The following CASD1 variants were observed in gnomAD, a reference collection of about 807,000 sequenced individuals.
The protein encoded by CASD1 is N-acetylneuraminate (7)9-O-acetyltransferase.
In CASD1, 41 loss-of-function variants were observed where a neutral mutation model predicts 100.0. That is an observed-to-expected ratio of 0.41 (90% CI 0.32 to 0.53). CASD1 has a LOEUF of 0.53. CASD1 is among the 20% of genes least tolerant of loss of function. The pLI is 0.25. For synonymous variants in CASD1, 321 were observed against 315.6 expected, an observed-to-expected ratio of 1.02 and a Z score of -0.18; for missense variants, 774 against 948.7, an observed-to-expected ratio of 0.82 and a Z score of 2.42.
the CASD1 span, chr7:94,623,560 T>C: frequency 1.7e-6 from 1 of 604,462 alleles, no homozygotes. Context: ...TCAGAGCTTT[T>C]AGCAATATTA....
At chr7:94,514,847 A>T (rs1793893747) in intron 1 of CASD1, among the ~76,000 whole-genome samples, 1 of 152,140 alleles carries the variant, frequency 6.6e-6, no homozygotes, top group African/African-American at 2.4e-5. Context: ...AGTTGTGTTA[A>T]AATAGCTATC....
the CASD1 span, chr7:94,627,096 C>A: frequency 6.6e-6 from 1 of 152,004 alleles, no homozygotes; most frequent in South Asian, 2.1e-4. Context: ...CTTATAGTTA[C>A]ACTGCCTTAA....
At chr7:94,512,084 CAAACTGAG>C (rs1339326338) in intron 1 of CASD1, among the ~76,000 whole-genome samples, 1 of 152,186 alleles carries the variant, frequency 6.6e-6, no homozygotes, top group African/African-American at 2.4e-5. Flanking sequence ...TTGGCAGTAT[CAAACTGAG>C]TCAGGTGCAA....
the CASD1 span, chr7:94,625,289 C>T: frequency 6.6e-6 from 1 of 151,866 alleles, no homozygotes; most frequent in Non-Finnish European, 1.5e-5. Context: ...ATACCTGTTA[C>T]TATAAATGAA....
intron 1 of CASD1, among the ~76,000 whole-genome samples, chr7:94,515,109 A>T (rs1308654398): frequency 6.6e-6 from 1 of 152,066 alleles, no homozygotes; most frequent in Admixed American, 6.6e-5. Context: ...CATACAAAAA[A>T]GTCATTCTCT....
chr7:94,541,045 C>A (rs1437951717), intron 10 of CASD1, among the ~76,000 whole-genome samples: 5 of 151,966 alleles, frequency 3.3e-5, no homozygotes, highest in Non-Finnish European at 7.4e-5. Flanking sequence ...CTAATATATT[C>A]TAATTTACAA....
the CASD1 span, among the ~76,000 whole-genome samples, chr7:94,580,162 C>G: frequency 1.3e-5 from 2 of 152,148 alleles, no homozygotes; most frequent in Non-Finnish European, 1.5e-5. Context: ...TGTATCTGCT[C>G]TCTATATTAT....
At chr7:94,578,951 T>C in the CASD1 span, among the ~76,000 whole-genome samples, 1 of 152,170 alleles carries the variant, frequency 6.6e-6, no homozygotes, top group Non-Finnish European at 1.5e-5. Flanking sequence ...TCCAGGTAGC[T>C]TCCTTTCCTC....
At chr7:94,590,627 T>C in the CASD1 span, 5 of 152,170 alleles carry the variant, frequency 3.3e-5, no homozygotes, top group African/African-American at 7.2e-5. Context: ...ATTTTCAGTT[T>C]TTTGTTTTCT....
rs1794973318 is a variant in CASD1, at chr7:94,533,781, G to C, written c.607G>C (p.Asp203His). 1 of 1,592,884 alleles carries C rather than the reference G, an allele frequency of 6.3e-7. No homozygotes were observed. The highest frequency in any genetic ancestry group is 8.5e-7 in the Non-Finnish European group (1 of 1,169,924). Residue 203 changes from aspartate to histidine, a missense_variant, in exon 7 of 18, where the codon GAT (aspartate) becomes CAT (histidine). Physicochemically the swap from Asp to His is moderately conservative, Grantham distance 81 (BLOSUM62 -1). Around this residue, in one of 5 missense-constraint regions of CASD1, gnomAD observed 453 missense variants for 532.6 expected, o/e 0.85. Coordinates refer to ENST00000297273, the MANE Select transcript of CASD1 (RefSeq NM_022900.5). ...PLLEKLAKTS[D>H]VYWVLQDPVY... ...TTTAGAAAAATTGGCAAAGACTAGT[G>C]ATGTTTATTGGGTCTTACAAGGTAA...
intron 13 of CASD1, 133 bp from the exon 14 acceptor site, chr7:94,549,400 A>G (rs1795835564): frequency 6.5e-6 from 3 of 458,098 alleles, no homozygotes; most frequent in Non-Finnish European, 1.1e-5. Flanking sequence ...TTCAAATGAA[A>G]TAAAACAGAA....
At chr7:94,574,863 G>C in the CASD1 span, among the ~76,000 whole-genome samples, 2 of 152,030 alleles carry the variant, frequency 1.3e-5, no homozygotes, top group African/African-American at 4.8e-5. Flanking sequence ...CCAGCTACTT[G>C]GGAGGCTGAG....
the CASD1 span, among the ~76,000 whole-genome samples, chr7:94,604,664 G>T: frequency 6.6e-6 from 1 of 151,124 alleles, no homozygotes; most frequent in African/African-American, 2.4e-5. Flanking sequence ...TAATGGTGCT[G>T]GAAAAACTGG....
the CASD1 span, among the ~76,000 whole-genome samples, chr7:94,602,320 A>C: frequency 2.6e-5 from 4 of 152,154 alleles, no homozygotes; most frequent in Admixed American, 6.6e-5. Flanking sequence ...AAAGGCCATG[A>C]GACAAGAGGC....
chr7:94,625,736 TC>T, the CASD1 span: 2 of 152,220 alleles, frequency 1.3e-5, no homozygotes. Flanking sequence ...TCACTATTGC[TC>T]TGAACATTCA....
the CASD1 span, chr7:94,585,547 G>GT: frequency 6.7e-7 from 1 of 1,484,976 alleles, no homozygotes; most frequent in East Asian, 2.3e-5. Flanking sequence ...ATGGGCAGGA[G>GT]TTAGTCAGGG....
At chr7:94,569,609 A>G in the CASD1 span, among the ~76,000 whole-genome samples, 4 of 150,646 alleles carry the variant, frequency 2.7e-5, no homozygotes, top group African/African-American at 9.8e-5. Flanking sequence ...TGCTTGGCCA[A>G]TTTTTAAATT....
At chr7:94,571,959 G>A in the CASD1 span, among the ~76,000 whole-genome samples, 1 of 151,992 alleles carries the variant, frequency 6.6e-6, no homozygotes, top group East Asian at 1.9e-4. Context: ...TCCCAAACTA[G>A]GGGGCTTCTA....
the CASD1 span, chr7:94,627,940 T>A: frequency 2.5e-6 from 1 of 400,730 alleles, no homozygotes; most frequent in Non-Finnish European, 4.6e-6. Context: ...AGAATTCATA[T>A]TATAATAATC....
Sources: allele counts gnomAD v4.1 joint callset (sites outside exome capture counted in the v4.1 genomes callset), GRCh38; gene constraint gnomAD v4.1.1; regional missense constraint gnomAD v4.1.1; transcripts MANE v1.5; gene names NCBI Gene and HGNC (gene_info 2026-07-23, HGNC 2026-07-21).